The following RBBP4 variants were observed in gnomAD, a reference collection of about 807,000 sequenced individuals.
RBBP4 encodes RB binding protein 4, chromatin remodeling factor, also known as histone-binding protein RBBP4.
RBBP4 carries 3 observed loss-of-function variants against 57.2 expected under a neutral mutation model. That is an observed-to-expected ratio of 0.05 (90% CI 0.02 to 0.14). The LOEUF (loss-of-function observed/expected upper bound fraction) is 0.14. RBBP4 is among the 10% of genes least tolerant of loss of function. The probability of loss-of-function intolerance (pLI) is 1.00; values close to 1 mark genes in which losing one functional copy is unlikely to be tolerated. For synonymous variants in RBBP4, 151 were observed against 171.5 expected, an observed-to-expected ratio of 0.88 and a Z score of 0.93; for missense variants, 107 against 520.6, an observed-to-expected ratio of 0.21 and a Z score of 7.73.
chr1:32,671,209 A>G (rs1171059774), intron 8 of RBBP4, among the ~76,000 whole-genome samples: 1 of 152,176 alleles, frequency 6.6e-6, no homozygotes, highest in Admixed American at 6.5e-5. Context: ...GGACATAGTT[A>G]TTGTATATGT....
chr1:32,661,753 CATCT>C (rs1157146377), intron 3 of RBBP4, among the ~76,000 whole-genome samples: 1 of 149,928 alleles, frequency 6.7e-6, no homozygotes, highest in African/African-American at 2.5e-5. Flanking sequence ...GTGTGAGAGG[CATCT>C]ATCTGTTTTG....
intron 2 of RBBP4, among the ~76,000 whole-genome samples, chr1:32,653,976 G>T (rs1175212111): frequency 2.0e-5 from 3 of 152,044 alleles, no homozygotes; most frequent in Non-Finnish European, 4.4e-5. Flanking sequence ...TCTTTATCAT[G>T]ACCAGGAGTT....
rs1334777350 is a variant in RBBP4, at chr1:32,662,196, T to A, written c.310+4624T>A. The A allele has an allele frequency of 2.3e-5, 8 of 344,986 alleles. No homozygotes were observed. In the Admixed American group the frequency reaches 2.7e-4, roughly 11 times the overall value. The allele number at this position is 344,986 out of a possible 1,614,324, so 21.4% of individuals were successfully genotyped here. A position where few individuals can be genotyped will look rare whatever the true frequency, so the allele number is the denominator to read the frequency against. Reference sequence around the variant, plus strand: ...ACCGCGCCCGGGTTTTTTTGTTTTTTTGGGGTTTTGTTTTATTTTTTTAAC... The same window carrying A: ...ACCGCGCCCGGGTTTTTTTGTTTTTATGGGGTTTTGTTTTATTTTTTTAAC... On this transcript the variant is annotated intron_variant, in intron 3 of 11. Coordinates refer to ENST00000373493, the MANE Select transcript of RBBP4 (RefSeq NM_005610.3).
intron 3 of RBBP4, among the ~76,000 whole-genome samples, chr1:32,662,963 G>A (rs998060519): frequency 1.3e-5 from 2 of 151,854 alleles, no homozygotes; most frequent in Non-Finnish European, 2.9e-5. Context: ...CTCCAGCCTG[G>A]GTGACGAGCA....
At chr1:32,656,325 G>A (rs1648137382) in intron 2 of RBBP4, among the ~76,000 whole-genome samples, 1 of 147,000 alleles carries the variant, frequency 6.8e-6, no homozygotes. Flanking sequence ...CTCCCAAGTA[G>A]CTGGGATTAG....
chr1:32,672,417 T>C, intron 8 of RBBP4, 33 bp from the exon 9 acceptor site: 2 of 1,474,910 alleles, frequency 1.4e-6, no homozygotes, highest in Non-Finnish European at 1.8e-6. Flanking sequence ...TTCTAATTCA[T>C]GGCTTTGCTC....
chr1:32,669,944 T>C lies in RBBP4; in HGVS notation c.966+381T>C, dbSNP rs192849185. ...TGTATGAGTGGGCACACATGTGCTTTATGCCGTTGCTAAAAATAGAAATCT... is the reference window on the plus strand; with the variant it reads ...TGTATGAGTGGGCACACATGTGCTTCATGCCGTTGCTAAAAATAGAAATCT... On this transcript the variant is annotated intron_variant, in intron 8 of 11. Transcript: ENST00000373493. The surrounding 1 kb of genome is among the most constrained non-coding windows in gnomAD (Gnocchi z 4.9). Among the ~76,000 whole-genome samples, 1 of 152,374 alleles carries C rather than the reference T, an allele frequency of 6.6e-6. No homozygotes were observed. Among genetic ancestry groups the C allele is most frequent in the Admixed American group, 6.5e-5 (1 of 15,300 alleles).
rs568034011 is a variant in RBBP4 at position 32,653,705 on chromosome 1, C to G, written c.164+1644C>G. 8.7e-5 allele frequency among the ~76,000 whole-genome samples: 10 copies of G among 115,218 alleles called. No individual in the cohort carries two copies. The Admixed American group carries it at 1.2e-3, about 13-fold the overall frequency. 75.6% of individuals were successfully genotyped at this position (115,218 alleles called of 152,430 possible). A position where few individuals can be genotyped will look rare whatever the true frequency, so the allele number is the denominator to read the frequency against. ...GACGGAGTCTCCTCTCTTGCCCAGG[C>G]TGGAGTGCAGTCACGTGATCTCCGC... On this transcript the variant is annotated intron_variant, in intron 2 of 11. Coordinates refer to ENST00000373493, the MANE Select transcript of RBBP4 (RefSeq NM_005610.3).
At chr1:32,679,587 TGAGTTTTA>T in intron 11 of RBBP4, 45 bp from the exon 12 acceptor site, 1 of 1,495,186 alleles carries the variant, frequency 6.7e-7, no homozygotes, top group Non-Finnish European at 9.0e-7. Context: ...GTTGAAACCT[TGAGTTTTA>T]GAAGAAGTCT....
At chr1:32,651,658 A>C in intron 1 of RBBP4, 7 of 741,134 alleles carry the variant, frequency 9.4e-6, no homozygotes, top group Non-Finnish European at 1.4e-5. Context: ...CGGGCTTGTG[A>C]GTTTCGGCGC....
chr1:32,651,431 C>A (rs1398461121), intron 1 of RBBP4, 109 bp downstream of exon 1: 1 of 1,378,332 alleles, frequency 7.3e-7, no homozygotes, highest in African/African-American at 1.5e-5. Flanking sequence ...GTGCAGTCCC[C>A]GGTACTGAAG....
Position 32,680,516 on chromosome 1 carries a change from T to A in RBBP4, c.*811T>A. Reference sequence around the variant, plus strand: ...ATTAATCCTTGATAAGAGTTGCTTTTTTTTTTTAGGAGTTAGTCCTTGACC... The same window carrying A: ...ATTAATCCTTGATAAGAGTTGCTTTATTTTTTTAGGAGTTAGTCCTTGACC... On this transcript the variant is annotated 3_prime_UTR_variant, in exon 12 of 12. Transcript: ENST00000373493. The A allele has an allele frequency of 6.5e-7, 1 of 1,542,274 alleles. No individual in the cohort carries two copies. Among genetic ancestry groups the A allele is most frequent in the East Asian group, 2.4e-5 (1 of 40,862 alleles).
rs187206606 is a variant in RBBP4, at chr1:32,672,300, T to C, written c.967-150T>C. 307 of 666,496 alleles carry C rather than the reference T, an allele frequency of 4.6e-4. 2 individuals are homozygous for C. The East Asian group carries it at 6.3e-3, about 14-fold the overall frequency. The allele number at this position is 666,496 out of a possible 1,614,324, so 41.3% of individuals were successfully genotyped here. ...GCGCCTGCCCATAAAATAAATTCTT[T>C]AGCTCTTAATTTTAACTGTAACGTG... On this transcript the variant is annotated intron_variant, in intron 8 of 11. Transcript: ENST00000373493.
intron 11 of RBBP4, among the ~76,000 whole-genome samples, chr1:32,678,271 G>C (rs910594248): frequency 6.6e-6 from 1 of 152,144 alleles, no homozygotes; most frequent in Admixed American, 6.6e-5. Context: ...TTGCCCCCCA[G>C]GCTGGAGTGC....
intron 8 of RBBP4, among the ~76,000 whole-genome samples, chr1:32,671,001 C>T (rs897643802): frequency 6.6e-6 from 1 of 152,148 alleles, no homozygotes; most frequent in Non-Finnish European, 1.5e-5. Flanking sequence ...AATCCAAATT[C>T]TTCCTTAATT....
rs1396041665 is a variant in RBBP4 at position 32,672,990 on chromosome 1, A to G, written c.1212+89A>G. On this transcript the variant is annotated intron_variant, in intron 11 of 11. Coordinates refer to ENST00000373493, the MANE Select transcript of RBBP4 (RefSeq NM_005610.3). ...TGTATATTTTATGATTACAGCTACCATCTCTGTTCATTTTACTCCCAGGTG... is the reference window on the plus strand; with the variant it reads ...TGTATATTTTATGATTACAGCTACCGTCTCTGTTCATTTTACTCCCAGGTG... 3.8e-6 allele frequency: 4 copies of G among 1,050,072 alleles called. No homozygotes were observed. The South Asian group carries it at 4.4e-5, about 11-fold the overall frequency. 65.0% of individuals were successfully genotyped at this position (1,050,072 alleles called of 1,614,324 possible). A position where few individuals can be genotyped will look rare whatever the true frequency, so the allele number is the denominator to read the frequency against.
intron 3 of RBBP4, among the ~76,000 whole-genome samples, chr1:32,667,363 A>T (rs962546419): frequency 6.6e-6 from 1 of 152,214 alleles, no homozygotes; most frequent in Non-Finnish European, 1.5e-5. Context: ...TCTCTGCTTC[A>T]GCTGCCTGAA....
At chr1:32,659,086 G>A (rs1648284199) in intron 3 of RBBP4, among the ~76,000 whole-genome samples, 1 of 145,956 alleles carries the variant, frequency 6.9e-6, no homozygotes, top group African/African-American at 2.5e-5. Context: ...AACTACATGT[G>A]TATATATTTA....
At chr1:32,660,797 T>C (rs891936373) in intron 3 of RBBP4, among the ~76,000 whole-genome samples, 7 of 152,054 alleles carry the variant, frequency 4.6e-5, no homozygotes, top group East Asian at 1.9e-4. Flanking sequence ...AGCCTTTTTT[T>C]CCTAAATGAT....
Sources: allele counts gnomAD v4.1 joint callset (sites outside exome capture counted in the v4.1 genomes callset), GRCh38; gene constraint gnomAD v4.1.1; non-coding constraint Gnocchi (gnomAD v3.1); transcripts MANE v1.5; gene names NCBI Gene and HGNC (gene_info 2026-07-23, HGNC 2026-07-21).